The following TMEM91 variants were observed in gnomAD, a reference collection of about 807,000 sequenced individuals.
TMEM91 encodes dispanin subfamily C member 3.
A neutral mutation model predicts 13.3 loss-of-function variants in TMEM91; 6 were observed. The ratio of observed to expected loss-of-function variants is 0.45; its 90% CI spans 0.25 to 0.89. The LOEUF (loss-of-function observed/expected upper bound fraction) is 0.89, where lower values mean the gene tolerates loss of function less well. Ranked by LOEUF, TMEM91 falls within the 40% of genes least tolerant of loss-of-function variation. TMEM91 has a pLI of 0.19. For missense variants in TMEM91, 193 were observed against 228.7 expected, an observed-to-expected ratio of 0.84 and a Z score of 1.01; for synonymous variants, 87 against 101.7, an observed-to-expected ratio of 0.86 and a Z score of 0.87.
chr19:41,377,760 C>T (rs548513564), intron 1 of TMEM91, among the ~76,000 whole-genome samples: 1 of 151,942 alleles, frequency 6.6e-6, no homozygotes, highest in South Asian at 2.1e-4. Context: ...CCTGTAATCC[C>T]AGCACTTTGG....
intron 2 of TMEM91, 88 bp downstream of exon 2, chr19:41,378,607 G>A: frequency 3.6e-6 from 5 of 1,382,832 alleles, no homozygotes; most frequent in Non-Finnish European, 5.0e-6. Flanking sequence ...TGACAGCTGT[G>A]CCGATCTGCC....
At chr19:41,368,705 C>T (rs781497799) in intron 1 of TMEM91, among the ~76,000 whole-genome samples, 35 of 151,854 alleles carry the variant, frequency 2.3e-4, no homozygotes, top group Admixed American at 1.1e-3. Flanking sequence ...CCACTGTGCC[C>T]GGCCTGAAGC....
chr19:41,383,890 C>T lies in TMEM91; in HGVS notation c.*17C>T, dbSNP rs955737617. 6.3e-7 allele frequency: 1 copy of T among 1,598,084 alleles called. No individual in the cohort carries two copies. The highest frequency in any genetic ancestry group is 1.8e-5 in the Admixed American group (1 of 56,968). ...CCGCCCTAGTTGCCCCTACAGCCCTCACTGTGAACCCTGAGGCCGGCAGCC... is the reference window on the plus strand; with the variant it reads ...CCGCCCTAGTTGCCCCTACAGCCCTTACTGTGAACCCTGAGGCCGGCAGCC... On this transcript the variant is annotated 3_prime_UTR_variant, in exon 4 of 4. Transcript: ENST00000392002.
chr19:41,383,268 G>A (rs2038935744), intron 3 of TMEM91: 1 of 378,676 alleles, frequency 2.6e-6, no homozygotes, highest in Non-Finnish European at 4.6e-6. Context: ...TGGCCACGCT[G>A]GTCTCGAACT....
chr19:41,377,770 G>A (rs2038757278), intron 1 of TMEM91, among the ~76,000 whole-genome samples: 1 of 151,964 alleles, frequency 6.6e-6, no homozygotes, highest in African/African-American at 2.4e-5. Flanking sequence ...CAGCACTTTG[G>A]GAGGCCAAGG....
At chr19:41,366,924 G>A (rs1003255513) in intron 1 of TMEM91, among the ~76,000 whole-genome samples, 4 of 151,562 alleles carry the variant, frequency 2.6e-5, no homozygotes, top group African/African-American at 9.7e-5. Context: ...GATACCCTGA[G>A]GTCAGGAGTT....
chr19:41,366,714 C>T (rs1410150559), intron 1 of TMEM91, among the ~76,000 whole-genome samples: 1 of 152,106 alleles, frequency 6.6e-6, no homozygotes, highest in Non-Finnish European at 1.5e-5. Context: ...CCACCTTGGC[C>T]TCCCAAAGTG....
chr19:41,383,969 C>T lies in TMEM91; in HGVS notation c.*96C>T, dbSNP rs1478880796. 1.2e-5 allele frequency: 18 copies of T among 1,515,528 alleles called. No individual in the cohort carries two copies. Among genetic ancestry groups the T allele is most frequent in the East Asian group, 7.7e-5 (3 of 38,838 alleles). 93.9% of individuals were successfully genotyped at this position (1,515,528 alleles called of 1,614,324 possible). A position where few individuals can be genotyped will look rare whatever the true frequency, so the allele number is the denominator to read the frequency against. ...ATCTTGGTGGATGAGGCTGCGGCGG[C>T]GGCAGGAGCATCTAGAAACGGGAGC... On this transcript the variant is annotated 3_prime_UTR_variant, in exon 4 of 4. Coordinates refer to ENST00000392002, the MANE Select transcript of TMEM91 (RefSeq NM_001098821.2).
chr19:41,364,811 A>G (rs943974813), intron 1 of TMEM91, among the ~76,000 whole-genome samples: 4 of 151,946 alleles, frequency 2.6e-5, no homozygotes, highest in Non-Finnish European at 5.9e-5. Context: ...TCAATCAAGA[A>G]ATGGAGATGT....
upstream of TMEM91, among the ~76,000 whole-genome samples, chr19:41,375,929 C>T (rs576055638): frequency 2.1e-4 from 32 of 152,170 alleles, 2 homozygotes; most frequent in South Asian, 6.6e-3. Context: ...CAAGACCAAC[C>T]TGACCAACAC....
chr19:41,371,826 G>A (rs72623871), upstream of TMEM91, among the ~76,000 whole-genome samples: 5,084 of 152,126 alleles, frequency 0.033, 218 homozygotes, highest in East Asian at 0.16. Flanking sequence ...TTAGCATAGT[G>A]TCCTCAAGGG....
At chr19:41,382,482 G>T (rs2038910643) in intron 2 of TMEM91, among the ~76,000 whole-genome samples, 1 of 152,156 alleles carries the variant, frequency 6.6e-6, no homozygotes, top group Non-Finnish European at 1.5e-5. Flanking sequence ...AATTAGCCAG[G>T]TGTGATGGCG....
At chr19:41,380,490 T>C (rs1167945858) in intron 2 of TMEM91, among the ~76,000 whole-genome samples, 4 of 152,090 alleles carry the variant, frequency 2.6e-5, no homozygotes, top group African/African-American at 9.7e-5. Context: ...GAAAAGCATG[T>C]GGGGCCGGGC....
rs1470410418 is a variant in TMEM91, at chr19:41,383,876, G to T, written c.*3G>T. 6.2e-7 allele frequency: 1 copy of T among 1,603,948 alleles called. No homozygotes were observed. The highest frequency in any genetic ancestry group is 1.3e-5 in the African/African-American group (1 of 74,126). On this transcript the variant is annotated 3_prime_UTR_variant, in exon 4 of 4. Transcript: ENST00000392002. ...TTGCCTCCCGAGACCCGCCCTAGTT[G>T]CCCCTACAGCCCTCACTGTGAACCC... is the stretch of plus-strand genomic sequence containing the variant.
In TMEM91 at chr19:41,383,049, A is replaced by T. The variant is rs560548312; in HGVS notation, c.360+128A>T. Reference sequence around the variant, plus strand: ...CCAGAGAACCTGAACTCAAATCCTGAGTCTGCCACTCTCTGCAAGATTTTT... The same window carrying T: ...CCAGAGAACCTGAACTCAAATCCTGTGTCTGCCACTCTCTGCAAGATTTTT... On this transcript the variant is annotated intron_variant, in intron 3 of 3. Coordinates refer to ENST00000392002, the MANE Select transcript of TMEM91 (RefSeq NM_001098821.2). The T allele has an allele frequency of 3.0e-6, 4 of 1,354,644 alleles. No homozygotes were observed. The East Asian group carries it at 9.3e-5, about 32-fold the overall frequency. The allele number at this position is 1,354,644 out of a possible 1,614,324, so 83.9% of individuals were successfully genotyped here.
chr19:41,375,016 C>G (rs2038684919), upstream of TMEM91, among the ~76,000 whole-genome samples: 2 of 152,006 alleles, frequency 1.3e-5, no homozygotes, highest in Admixed American at 1.3e-4. Flanking sequence ...GAAAGGAAAC[C>G]AGGTCTATGT....
chr19:41,383,951 T>C lies in TMEM91; in HGVS notation c.*78T>C, dbSNP rs1452181436. On this transcript the variant is annotated 3_prime_UTR_variant, in exon 4 of 4. Coordinates refer to ENST00000392002, the MANE Select transcript of TMEM91 (RefSeq NM_001098821.2). ...GTGGGCAGAGAGTGGAGAATCTTGG[T>C]GGATGAGGCTGCGGCGGCGGCAGGA... 6.4e-7 allele frequency: 1 copy of C among 1,552,168 alleles called. No homozygotes were observed.
chr19:41,383,807 C>A lies in TMEM91; in HGVS notation c.453C>A (p.Gly151=). ...FLLGVLAVGL[G]VCTYAAALVT... Reference sequence around the variant, plus strand: ...TGGGGGTCCTCGCCGTCGGGCTGGGCGTGTGCACGTATGCGGCTGCCCTGG... The same window carrying A: ...TGGGGGTCCTCGCCGTCGGGCTGGGAGTGTGCACGTATGCGGCTGCCCTGG... The change falls in exon 4 of 4, where the codon GGC becomes GGA. Residue 151 remains glycine, a synonymous_variant. Coordinates refer to ENST00000392002, the MANE Select transcript of TMEM91 (RefSeq NM_001098821.2). 1 of 1,611,454 alleles carries A rather than the reference C, an allele frequency of 6.2e-7. No homozygotes were observed. Among genetic ancestry groups the A allele is most frequent in the Admixed American group, 1.7e-5 (1 of 59,688 alleles).
At chr19:41,375,297 T>TTTTTTTTTTTC (rs869066634), upstream of TMEM91, among the ~76,000 whole-genome samples, 7 of 113,366 alleles carry the variant, frequency 6.2e-5, 1 homozygote, top group Non-Finnish European at 1.1e-4. Context: ...TTTTTTTTTT[T>TTTTTTTTTTTC]TGAGACGGAG....
Sources: allele counts gnomAD v4.1 joint callset (sites outside exome capture counted in the v4.1 genomes callset), GRCh38; gene constraint gnomAD v4.1.1; transcripts MANE v1.5; gene names NCBI Gene and HGNC (gene_info 2026-07-23, HGNC 2026-07-21).